MCF2L2: variants seen among roughly 807,000 people sequenced by gnomAD.
The protein encoded by MCF2L2 is MCF.2 cell line derived transforming sequence-like 2.
A neutral mutation model predicts 150.2 loss-of-function variants in MCF2L2; 102 were observed. The ratio of observed to expected loss-of-function variants is 0.68; its 90% CI spans 0.58 to 0.80. MCF2L2 has a LOEUF of 0.80. Ranked by LOEUF, MCF2L2 falls within the 30% of genes least tolerant of loss-of-function variation. The pLI is 0.00. For synonymous variants in MCF2L2, 465 were observed against 491.3 expected, an observed-to-expected ratio of 0.95 and a Z score of 0.71; for missense variants, 1,256 against 1,372.8, an observed-to-expected ratio of 0.91 and a Z score of 1.34.
chr3:183,390,906 C>A (rs1173587769), intron 1 of MCF2L2, among the ~76,000 whole-genome samples: 1 of 151,956 alleles, frequency 6.6e-6, no homozygotes, highest in East Asian at 1.9e-4. Context: ...CAAAACAAAA[C>A]AAAACAAAAC....
chr3:183,259,096 C>T (rs765207033), intron 15 of MCF2L2, among the ~76,000 whole-genome samples: 1 of 152,124 alleles, frequency 6.6e-6, no homozygotes. Context: ...TGAACGTACA[C>T]GACCAACTGC....
intron 2 of MCF2L2, among the ~76,000 whole-genome samples, chr3:183,385,410 T>TC (rs1276314095): frequency 6.6e-6 from 1 of 152,142 alleles, no homozygotes; most frequent in Non-Finnish European, 1.5e-5. Flanking sequence ...GTTAGGAGCC[T>TC]CCCACTCACC....
chr3:183,406,232 T>C (rs911069322), intron 1 of MCF2L2, among the ~76,000 whole-genome samples: 2 of 152,208 alleles, frequency 1.3e-5, no homozygotes, highest in African/African-American at 4.8e-5. Context: ...TCCAGTCCCT[T>C]GTCATCTTCA....
intron 13 of MCF2L2, among the ~76,000 whole-genome samples, chr3:183,293,731 T>C (rs1728299245): frequency 6.6e-6 from 1 of 152,122 alleles, no homozygotes; most frequent in African/African-American, 2.4e-5. Context: ...CATTATAATA[T>C]GACAAGAAAA....
chr3:183,203,514 T>C (rs571902927), intron 25 of MCF2L2, among the ~76,000 whole-genome samples: 8 of 152,116 alleles, frequency 5.3e-5, no homozygotes, highest in East Asian at 3.9e-4. Flanking sequence ...AACTCAGAAA[T>C]AGGTCAATTG....
At chr3:183,311,513 G>A in intron 8 of MCF2L2, 135 bp downstream of exon 8, 1 of 973,302 alleles carries the variant, frequency 1.0e-6, no homozygotes, top group Admixed American at 2.5e-5. Context: ...TTTTTCCTTT[G>A]TTGTCTCAAA....
chr3:183,297,334 C>CT (rs1252984827), intron 11 of MCF2L2, 167 bp from the exon 12 acceptor site: 1 of 619,126 alleles, frequency 1.6e-6, no homozygotes, highest in Non-Finnish European at 2.8e-6. Flanking sequence ...GTAAATTACA[C>CT]TATGAGGGGG....
intron 15 of MCF2L2, among the ~76,000 whole-genome samples, chr3:183,248,560 TG>T (rs2108690518): frequency 6.6e-6 from 1 of 152,286 alleles, no homozygotes; most frequent in African/African-American, 2.4e-5. Context: ...TCAGACCTGG[TG>T]CAGTGGCTCA....
intron 5 of MCF2L2, among the ~76,000 whole-genome samples, chr3:183,337,293 A>C (rs571408082): frequency 6.6e-6 from 1 of 152,274 alleles, no homozygotes; most frequent in South Asian, 2.1e-4. Context: ...ACAGTGGCTC[A>C]CGCCTGTAAT....
intron 15 of MCF2L2, among the ~76,000 whole-genome samples, chr3:183,239,422 T>C (rs1238229474): frequency 6.6e-6 from 1 of 151,160 alleles, no homozygotes; most frequent in African/African-American, 2.4e-5. Flanking sequence ...TTGTTTCAAA[T>C]GACACCACAA....
rs993028290 is a variant in MCF2L2 at position 183,283,595 on chromosome 3, C to G, written c.1776+5525G>C. On this transcript the variant is annotated intron_variant, in intron 14 of 29. Coordinates refer to ENST00000328913, the MANE Select transcript of MCF2L2 (RefSeq NM_015078.4). The surrounding 1 kb of genome is among the most constrained non-coding windows in gnomAD (Gnocchi z 4.2). ...GGAGAGCAGTGGCACCATCTTGGCT[C>G]ACTGCACCCTCTGCCTCCCAGGTTC... Among the ~76,000 whole-genome samples, 1 of 151,994 alleles carries G rather than the reference C, an allele frequency of 6.6e-6. No homozygotes were observed. Among genetic ancestry groups the G allele is most frequent in the African/African-American group, 2.4e-5 (1 of 41,364 alleles).
At chr3:183,191,641 CCTT>C (rs1421766942) in intron 27 of MCF2L2, among the ~76,000 whole-genome samples, 2 of 152,148 alleles carry the variant, frequency 1.3e-5, no homozygotes, top group East Asian at 1.9e-4. Flanking sequence ...ATTTCTTTCT[CCTT>C]CTTCACAATG....
At chr3:183,312,690 G>A (rs1729434983) in intron 7 of MCF2L2, among the ~76,000 whole-genome samples, 1 of 152,226 alleles carries the variant, frequency 6.6e-6, no homozygotes, top group African/African-American at 2.4e-5. Flanking sequence ...ACAGCCTAGA[G>A]CTCATTCCCT....
chr3:183,300,476 C>T (rs562426772), intron 10 of MCF2L2, among the ~76,000 whole-genome samples: 24 of 152,290 alleles, frequency 1.6e-4, no homozygotes, highest in African/African-American at 5.5e-4. Flanking sequence ...CCAAAATTTT[C>T]AGATTAATGG....
chr3:183,372,560 C>T (rs1042168868), intron 3 of MCF2L2: 16 of 152,128 alleles, frequency 1.1e-4, no homozygotes, highest in Admixed American at 1.0e-3. Context: ...GGCATGGTGT[C>T]ACGTGCCTGT....
intron 1 of MCF2L2, among the ~76,000 whole-genome samples, chr3:183,414,316 T>C (rs557063372): frequency 3.9e-5 from 6 of 152,326 alleles, no homozygotes; most frequent in African/African-American, 9.6e-5. Context: ...GTAGTTTGTA[T>C]AGTTTTAGGA....
intron 27 of MCF2L2, among the ~76,000 whole-genome samples, chr3:183,183,286 C>A (rs1441780298): frequency 6.6e-5 from 10 of 152,232 alleles, no homozygotes; most frequent in Non-Finnish European, 2.9e-5. Flanking sequence ...TGTGAGCCAT[C>A]ATGCCCACCT....
chr3:183,338,174 T>C (rs567142790), intron 5 of MCF2L2, among the ~76,000 whole-genome samples: 10 of 151,982 alleles, frequency 6.6e-5, no homozygotes, highest in African/African-American at 1.7e-4. Flanking sequence ...GGGGCTGGCA[T>C]GGTGGCTCAT....
intron 6 of MCF2L2, 83 bp downstream of exon 6, chr3:183,323,152 T>C (rs2108520744): frequency 2.1e-6 from 2 of 949,982 alleles, no homozygotes; most frequent in South Asian, 1.7e-5. Flanking sequence ...GGTGACCTCC[T>C]GGCAGTTGAT....
Sources: allele counts gnomAD v4.1 joint callset (sites outside exome capture counted in the v4.1 genomes callset), GRCh38; gene constraint gnomAD v4.1.1; non-coding constraint Gnocchi (gnomAD v3.1); transcripts MANE v1.5; gene names NCBI Gene and HGNC (gene_info 2026-07-23, HGNC 2026-07-21).